Variants in ATXN10 observed in about 807,000 individuals in gnomAD.
The protein encoded by ATXN10 is ataxin-10.
In ATXN10, 28 loss-of-function variants were observed where a neutral mutation model predicts 52.9. The observed-to-expected ratio is 0.53, with a 90% confidence interval of 0.39 to 0.73. The LOEUF is 0.73. Among genes scored for constraint, ATXN10 ranks in the 30% least tolerant of loss-of-function variants. The pLI, the probability that ATXN10 is intolerant of heterozygous loss-of-function variation, is 0.00. For missense variants in ATXN10, 565 were observed against 577.0 expected (o/e 0.98, Z 0.21); for synonymous variants, 226 against 221.5 (o/e 1.02, Z -0.18).
At chr22:45,776,470 A>G (rs981979273) in intron 9 of ATXN10, among the ~76,000 whole-genome samples, 1 of 150,988 alleles carries the variant, frequency 6.6e-6, no homozygotes, top group African/African-American at 2.4e-5. Flanking sequence ...CCACAGCCAT[A>G]TGAAGTTTTT....
Position 45,702,809 on chromosome 22 carries a change from C to T in ATXN10, c.609C>T (p.Val203=), listed in dbSNP as rs1205658844. The change falls in exon 5 of 12, where the codon GTC becomes GTT. Residue 203 remains valine (V), a synonymous_variant. Transcript: ENST00000252934. ...AGAACCTCAATATTGCAATTGATGT[C>T]ATAGATGCTTACCAAAAACATCCTG... The part of the protein sequence containing the change: ...LEENLNIAID[V]IDAYQKHPES... 3 of 1,613,902 alleles carry T rather than the reference C, an allele frequency of 1.9e-6. No homozygotes were observed. The highest frequency in any genetic ancestry group is 2.5e-6 in the Non-Finnish European group (3 of 1,179,966).
At position 45,828,628 on chromosome 22, in the gene ATXN10, A is replaced by C. The variant is rs937181604; in HGVS notation, c.1238-14363A>C. On this transcript the variant is annotated intron_variant, in intron 10 of 11. Transcript: ENST00000252934. The surrounding 1 kb of genome is among the most constrained non-coding windows in gnomAD (Gnocchi z 4.5). ...AGAGCACTGTGAACAATTGTACACCATCAGTTTGGATAATGTAAATGAAAT... is the reference window on the plus strand; with the variant it reads ...AGAGCACTGTGAACAATTGTACACCCTCAGTTTGGATAATGTAAATGAAAT... Among the ~76,000 whole-genome samples, 2 of 152,248 alleles carry C rather than the reference A, an allele frequency of 1.3e-5. No individual in the cohort carries two copies. Among genetic ancestry groups the C allele is most frequent in the South Asian group, 2.1e-4 (1 of 4,834 alleles).
rs1299278326 is a variant in ATXN10, at chr22:45,684,161, G to A, written c.117-5551G>A. On this transcript the variant is annotated intron_variant, in intron 1 of 11. Coordinates refer to ENST00000252934, the MANE Select transcript of ATXN10 (RefSeq NM_013236.4). The surrounding 1 kb of genome is among the most constrained non-coding windows in gnomAD (Gnocchi z 4.1). ...TGTTTTTTTTTTTTTTGTAGAGATAGGGTCTTGCTATGTTAGGCAGGTCTT... is the reference window on the plus strand; with the variant it reads ...TGTTTTTTTTTTTTTTGTAGAGATAAGGTCTTGCTATGTTAGGCAGGTCTT... Among the ~76,000 whole-genome samples the A allele has an allele frequency of 3.3e-5, 5 of 150,440 alleles. No homozygotes were observed. Among genetic ancestry groups the A allele is most frequent in the Non-Finnish European group, 5.9e-5 (4 of 67,660 alleles).
At position 45,780,511 on chromosome 22, in the gene ATXN10, G is replaced by A. The variant is rs1601641670; in HGVS notation, c.1174-26448G>A. ...ACCTAGGTTCAACCCTGGCCCTGCT[G>A]TGGAGTGGATGTGAACCTGTGCCAG... On this transcript the variant is annotated intron_variant, in intron 9 of 11. Transcript: ENST00000252934. The surrounding 1 kb of genome is among the most constrained non-coding windows in gnomAD (Gnocchi z 4.0). Among the ~76,000 whole-genome samples the A allele has an allele frequency of 2.0e-5, 3 of 149,770 alleles. No individual in the cohort carries two copies. Among genetic ancestry groups the A allele is most frequent in the Admixed American group, 2.0e-4 (3 of 15,024 alleles).
intron 7 of ATXN10, among the ~76,000 whole-genome samples, chr22:45,735,174 C>T (rs190435190): frequency 1.2e-3 from 188 of 152,140 alleles, no homozygotes; most frequent in African/African-American, 4.4e-3. Flanking sequence ...CCACCGTGCC[C>T]GGCCAGGTTG....
intron 9 of ATXN10, among the ~76,000 whole-genome samples, chr22:45,752,567 G>GGGGCT (rs1926019699): frequency 7.2e-6 from 1 of 139,830 alleles, no homozygotes; most frequent in Non-Finnish European, 1.6e-5. Flanking sequence ...GGTTGGGGTT[G>GGGGCT]GGGCTGGGGC....
rs2061268452 is a variant in ATXN10 at position 45,840,809 on chromosome 22, C to A, written c.1238-2182C>A. Among the ~76,000 whole-genome samples, 2 of 152,160 alleles carry A rather than the reference C, an allele frequency of 1.3e-5. No individual in the cohort carries two copies. Among genetic ancestry groups the A allele is most frequent in the Non-Finnish European group, 2.9e-5 (2 of 68,030 alleles). Reference sequence around the variant, plus strand: ...ACTTTAATTATATTTAAGTGAATAACCAGGACGTTTCAGAAAGGAGTGTTA... The same window carrying A: ...ACTTTAATTATATTTAAGTGAATAAACAGGACGTTTCAGAAAGGAGTGTTA... On this transcript the variant is annotated intron_variant, in intron 10 of 11. Transcript: ENST00000252934. This position sits in a 1 kb window ranked among gnomAD's most constrained non-coding sequence, Gnocchi z 5.8.
intron 7 of ATXN10, among the ~76,000 whole-genome samples, chr22:45,730,478 A>G (rs906208767): frequency 3.3e-5 from 5 of 152,152 alleles, no homozygotes; most frequent in Admixed American, 3.3e-4. Flanking sequence ...CTGTCGCCCA[A>G]GCTGGAGCAC....
At position 45,762,364 on chromosome 22, in the gene ATXN10, A is replaced by G. The variant is rs1009695679; in HGVS notation, c.1173+21826A>G. Among the ~76,000 whole-genome samples, 1 of 152,090 alleles carries G rather than the reference A, an allele frequency of 6.6e-6. No homozygotes were observed. Among genetic ancestry groups the G allele is most frequent in the African/African-American group, 2.4e-5 (1 of 41,408 alleles). On this transcript the variant is annotated intron_variant, in intron 9 of 11. Transcript: ENST00000252934. This position sits in a 1 kb window ranked among gnomAD's most constrained non-coding sequence, Gnocchi z 4.3. ...GCTTCATGACTACATCTCATTTTTT[A>G]TTTATCTTTGTTATGATAGATAGCA...
intron 9 of ATXN10, among the ~76,000 whole-genome samples, chr22:45,782,610 A>G (rs1398148011): frequency 6.6e-6 from 1 of 152,198 alleles, no homozygotes; most frequent in East Asian, 1.9e-4. Context: ...AACCTCTAGT[A>G]GGGGTTATCA....
At position 45,732,486 on chromosome 22, in the gene ATXN10, T is replaced by C. The variant is rs531081243; in HGVS notation, c.894+2896T>C. Among the ~76,000 whole-genome samples the C allele has an allele frequency of 6.6e-6, 1 of 152,194 alleles. No individual in the cohort carries two copies. The highest frequency in any genetic ancestry group is 1.5e-5 in the Non-Finnish European group (1 of 68,012). Reference sequence around the variant, plus strand: ...AAAAAAGAAAAAATTGTAGGCAGTTTTCTTTTGCAAAGCCAAATTAATTTA... The same window carrying C: ...AAAAAAGAAAAAATTGTAGGCAGTTCTCTTTTGCAAAGCCAAATTAATTTA... On this transcript the variant is annotated intron_variant, in intron 7 of 11. Transcript: ENST00000252934. The surrounding 1 kb of genome is among the most constrained non-coding windows in gnomAD (Gnocchi z 4.5).
rs1179125925 is a variant in ATXN10, at chr22:45,684,081, A to C, written c.117-5631A>C. Among the ~76,000 whole-genome samples the C allele has an allele frequency of 2.6e-5, 4 of 151,908 alleles. No individual in the cohort carries two copies. In the East Asian group the frequency reaches 7.7e-4, roughly 29 times the overall value. On this transcript the variant is annotated intron_variant, in intron 1 of 11. Coordinates refer to ENST00000252934, the MANE Select transcript of ATXN10 (RefSeq NM_013236.4). The surrounding 1 kb of genome is among the most constrained non-coding windows in gnomAD (Gnocchi z 4.1). ...GTCCTTCTGCATCAGGCTCCCAAGTAGCTGGGACTACGAGGCACAGACCAT... is the reference window on the plus strand; with the variant it reads ...GTCCTTCTGCATCAGGCTCCCAAGTCGCTGGGACTACGAGGCACAGACCAT...
At position 45,826,752 on chromosome 22, in the gene ATXN10, G is replaced by C. The variant is rs1221869835; in HGVS notation, c.1238-16239G>C. Among the ~76,000 whole-genome samples the C allele has an allele frequency of 1.3e-5, 2 of 152,200 alleles. No homozygotes were observed. The highest frequency in any genetic ancestry group is 2.4e-5 in the African/African-American group (1 of 41,452). ...AGACGAACAAAAGCTGATGGAGTTT[G>C]TTACCACTAGACCTGCCTTGTAAGA... On this transcript the variant is annotated intron_variant, in intron 10 of 11. Transcript: ENST00000252934. This position sits in a 1 kb window ranked among gnomAD's most constrained non-coding sequence, Gnocchi z 5.0.
At chr22:45,742,260 T>C (rs566597243) in intron 9 of ATXN10, among the ~76,000 whole-genome samples, 27 of 152,290 alleles carry the variant, frequency 1.8e-4, no homozygotes, top group African/African-American at 6.5e-4. Context: ...TATCCTGTAA[T>C]GTCCAGGATA....
At chr22:45,713,240 G>A (rs964242739) in intron 5 of ATXN10, among the ~76,000 whole-genome samples, 2 of 152,162 alleles carry the variant, frequency 1.3e-5, no homozygotes, top group Admixed American at 1.3e-4. Flanking sequence ...TAATGCAGAT[G>A]CTGATTCATC....
At chr22:45,700,724 A>T (rs1923809890) in intron 4 of ATXN10, among the ~76,000 whole-genome samples, 1 of 152,238 alleles carries the variant, frequency 6.6e-6, no homozygotes, top group African/African-American at 2.4e-5. Context: ...ATTGTTAAGG[A>T]CACTGAAATT....
In ATXN10 at chr22:45,733,962, T is replaced by C. The variant is rs971025088; in HGVS notation, c.894+4372T>C. Among the ~76,000 whole-genome samples, 10 of 152,154 alleles carry C rather than the reference T, an allele frequency of 6.6e-5. No individual in the cohort carries two copies. The highest frequency in any genetic ancestry group is 2.4e-4 in the African/African-American group (10 of 41,462). On this transcript the variant is annotated intron_variant, in intron 7 of 11. Transcript: ENST00000252934. This position sits in a 1 kb window ranked among gnomAD's most constrained non-coding sequence, Gnocchi z 4.4. ...ATGTAACTTGTACATCTTTGCACTT[T>C]AGCATGTGTATATTCATTGTATGTT...
At chr22:45,685,095 CTT>C (rs66761568) in intron 1 of ATXN10, among the ~76,000 whole-genome samples, 281 of 142,518 alleles carry the variant, frequency 2.0e-3, no homozygotes, top group South Asian at 2.4e-3. Flanking sequence ...TAGCATGTAG[CTT>C]TTTTTTTTTT....
At chr22:45,822,163 G>A (rs1424490201) in intron 10 of ATXN10, among the ~76,000 whole-genome samples, 2 of 152,174 alleles carry the variant, frequency 1.3e-5, no homozygotes, top group East Asian at 1.9e-4. Context: ...CTATTTTATA[G>A]CATTTCATTG....
Sources: allele counts gnomAD v4.1 joint callset (sites outside exome capture counted in the v4.1 genomes callset), GRCh38; gene constraint gnomAD v4.1.1; non-coding constraint Gnocchi (gnomAD v3.1); transcripts MANE v1.5; gene names NCBI Gene and HGNC (gene_info 2026-07-23, HGNC 2026-07-21).